CRAMP1: variants seen among roughly 807,000 people sequenced by gnomAD.
The protein encoded by CRAMP1 is cramped chromatin regulator 1.
CRAMP1 carries 50 observed loss-of-function variants against 115.4 expected under a neutral mutation model. The observed-to-expected ratio is 0.43, with a 90% CI of 0.35 to 0.55. The LOEUF is 0.55. Among genes scored for constraint, CRAMP1 ranks in the 20% least tolerant of loss-of-function variants. The probability of loss-of-function intolerance (pLI) is 0.01; values close to 1 mark genes in which losing one functional copy is unlikely to be tolerated. For synonymous variants in CRAMP1, 866 were observed against 745.4 expected, an observed-to-expected ratio of 1.16 and a Z score of -2.64; for missense variants, 1,679 against 1,721.7, an observed-to-expected ratio of 0.98 and a Z score of 0.44.
Position 1,614,634 on chromosome 16 carries a change from C to A in CRAMP1, c.-1-5C>A, listed in dbSNP as rs1296369149. 1.6e-6 allele frequency: 2 copies of A among 1,245,074 alleles called. No homozygotes were observed. Among genetic ancestry groups the A allele is most frequent in the East Asian group, 3.2e-5 (1 of 30,984 alleles). The allele number at this position is 1,245,074 out of a possible 1,614,324, so 77.1% of individuals were successfully genotyped here. A position where few individuals can be genotyped will look rare whatever the true frequency, so the allele number is the denominator to read the frequency against. ...CACCGGCCGCCTCCCCTCTCCCGGCCGCAGGATGACAGTGAAGTTGGGCGA... is the reference window on the plus strand; with the variant it reads ...CACCGGCCGCCTCCCCTCTCCCGGCAGCAGGATGACAGTGAAGTTGGGCGA... On this transcript the variant is annotated splice_polypyrimidine_tract_variant and splice_region_variant and intron_variant, in intron 1 of 20. Coordinates refer to ENST00000397412, the MANE Select transcript of CRAMP1 (RefSeq NM_020825.4). This position sits in a 1 kb window ranked among gnomAD's most constrained non-coding sequence, Gnocchi z 4.4.
intron 6 of CRAMP1, chr16:1,647,120 C>T (rs1196814441): frequency 1.1e-5 from 8 of 700,030 alleles, no homozygotes; most frequent in Middle Eastern, 2.3e-4. Flanking sequence ...AGCCCAAAAG[C>T]GATTGGGGTA....
intron 6 of CRAMP1, among the ~76,000 whole-genome samples, chr16:1,641,914 C>T (rs2036636142): frequency 6.6e-6 from 1 of 152,094 alleles, no homozygotes; most frequent in African/African-American, 2.4e-5. Context: ...GGGGGGGTCC[C>T]CGTTCCACAG....
At chr16:1,661,120 A>G (rs1435691604) in intron 11 of CRAMP1, among the ~76,000 whole-genome samples, 1 of 152,228 alleles carries the variant, frequency 6.6e-6, no homozygotes, top group Non-Finnish European at 1.5e-5. Flanking sequence ...ACTTGAGGCC[A>G]GCCTGGGCAA....
Position 1,656,703 on chromosome 16 carries a change from C to T in CRAMP1, c.1946C>T (p.Pro649Leu), listed in dbSNP as rs756559071. 5.8e-6 allele frequency: 9 copies of T among 1,556,130 alleles called. No individual in the cohort carries two copies. In the African/African-American group the frequency reaches 8.2e-5, roughly 14 times the overall value. The change falls in exon 10 of 21, where the codon CCT becomes CTT. Residue 649 changes from proline to leucine, a missense_variant. Physicochemically the swap from Pro to Leu is moderately conservative, Grantham distance 98. Transcript: ENST00000397412. The surrounding 1 kb of genome is among the most constrained non-coding windows in gnomAD (Gnocchi z 5.6). Reference sequence around the variant, plus strand: ...CAGGAGAAGGGGAGCCCCGCGGGGCCTCCGCCGTCTCAGGGACAGCCTGCC... The same window carrying T: ...CAGGAGAAGGGGAGCCCCGCGGGGCTTCCGCCGTCTCAGGGACAGCCTGCC... ...ELQEKGSPAG[P>L]PPSQGQPAAR...
chr16:1,651,107 CAG>C (rs982126275), intron 6 of CRAMP1, among the ~76,000 whole-genome samples: 2 of 147,606 alleles, frequency 1.4e-5, no homozygotes, highest in African/African-American at 5.0e-5. Context: ...GAGGAGGACT[CAG>C]AGGCCACAGG....
intron 3 of CRAMP1, among the ~76,000 whole-genome samples, chr16:1,631,946 C>G (rs1358343474): frequency 6.6e-6 from 1 of 152,208 alleles, no homozygotes; most frequent in Non-Finnish European, 1.5e-5. Context: ...CTTTATGTTT[C>G]TCCTGTCTGG....
Position 1,666,277 on chromosome 16 carries a change from C to G in CRAMP1, c.2857+100C>G. 1 of 1,164,768 alleles carries G rather than the reference C, an allele frequency of 8.6e-7. No homozygotes were observed. 72.2% of individuals were successfully genotyped at this position (1,164,768 alleles called of 1,614,324 possible). On this transcript the variant is annotated intron_variant, in intron 15 of 20. Coordinates refer to ENST00000397412, the MANE Select transcript of CRAMP1 (RefSeq NM_020825.4). The surrounding 1 kb of genome is among the most constrained non-coding windows in gnomAD (Gnocchi z 5.0). The stretch of plus-strand genomic sequence containing the variant: ...TGTTTTCTTCTCCAAATCATAATGT[C>G]TCATTACCCTTCACCAAGAACATCT...
intron 3 of CRAMP1, among the ~76,000 whole-genome samples, chr16:1,626,793 T>C (rs1446955939): frequency 1.3e-5 from 2 of 152,250 alleles, no homozygotes; most frequent in Non-Finnish European, 2.9e-5. Flanking sequence ...ATAGCTCTTT[T>C]GCTCTGTATT....
intron 5 of CRAMP1, among the ~76,000 whole-genome samples, chr16:1,638,880 G>A (rs1233816717): frequency 6.6e-6 from 1 of 151,844 alleles, no homozygotes; most frequent in Admixed American, 6.6e-5. Flanking sequence ...TTTGTGTGTG[G>A]GAGGCCCTGC....
At position 1,672,256 on chromosome 16, in the gene CRAMP1, G is replaced by T. The variant is rs922446479; in HGVS notation, c.3645+1447G>T. On this transcript the variant is annotated intron_variant, in intron 20 of 20. Coordinates refer to ENST00000397412, the MANE Select transcript of CRAMP1 (RefSeq NM_020825.4). This position sits in a 1 kb window ranked among gnomAD's most constrained non-coding sequence, Gnocchi z 4.9. ...CTTGGGAGTGAGTAGCAGAGAAAGG[G>T]TGCAGTTAGTATTTGTGAAACGCTG... Among the ~76,000 whole-genome samples the T allele has an allele frequency of 2.6e-5, 4 of 152,238 alleles. No individual in the cohort carries two copies. The highest frequency in any genetic ancestry group is 5.9e-5 in the Non-Finnish European group (4 of 68,050).
intron 6 of CRAMP1, among the ~76,000 whole-genome samples, chr16:1,644,257 G>T (rs1459977339): frequency 6.6e-6 from 1 of 152,186 alleles, no homozygotes; most frequent in Non-Finnish European, 1.5e-5. Flanking sequence ...TGTGAGACAC[G>T]GAGAAAAGGT....
rs773587963 is a variant in CRAMP1 at position 1,669,179 on chromosome 16, G to A, written c.3499+14G>A. On this transcript the variant is annotated intron_variant, in intron 19 of 20. Coordinates refer to ENST00000397412, the MANE Select transcript of CRAMP1 (RefSeq NM_020825.4). This position sits in a 1 kb window ranked among gnomAD's most constrained non-coding sequence, Gnocchi z 4.6. Reference sequence around the variant, plus strand: ...GCAGCCTGTTTGGTGAGTGTATGGGGAGGGCTCCCATCTCCTTTTCCAGGG... The same window carrying A: ...GCAGCCTGTTTGGTGAGTGTATGGGAAGGGCTCCCATCTCCTTTTCCAGGG... 3.1e-5 allele frequency: 49 copies of A among 1,562,244 alleles called. No individual in the cohort carries two copies. The highest frequency in any genetic ancestry group is 1.4e-4 in the Admixed American group (7 of 50,894).
intron 20 of CRAMP1, 61 bp from the exon 21 acceptor site, chr16:1,673,820 C>G: frequency 3.2e-6 from 5 of 1,539,088 alleles, no homozygotes; most frequent in Non-Finnish European, 4.5e-6. Context: ...TCAGGACCCG[C>G]CCTCCACTGA....
chr16:1,660,076 C>A lies in CRAMP1; in HGVS notation c.2413+13C>A. On this transcript the variant is annotated intron_variant, in intron 11 of 20. Coordinates refer to ENST00000397412, the MANE Select transcript of CRAMP1 (RefSeq NM_020825.4). ...CCCTGCTCCTCAGGTGAGGCTGTGG[C>A]AGCCACACTCCTTGTGCCTGGGCTG... is the stretch of plus-strand genomic sequence containing the variant. The A allele has an allele frequency of 6.5e-7, 1 of 1,533,148 alleles. No individual in the cohort carries two copies. The highest frequency in any genetic ancestry group is 8.7e-7 in the Non-Finnish European group (1 of 1,149,508). The allele number at this position is 1,533,148 out of a possible 1,614,324, so 95.0% of individuals were successfully genotyped here.
At chr16:1,670,445 G>C in intron 19 of CRAMP1, 1 of 534,400 alleles carries the variant, frequency 1.9e-6, no homozygotes, top group Non-Finnish European at 3.4e-6. Flanking sequence ...TGGGACTCGT[G>C]GAAAACAAGG....
In CRAMP1 at chr16:1,674,300, T is replaced by C; in HGVS notation, c.*255T>C. 1.9e-6 allele frequency: 1 copy of C among 520,178 alleles called. No homozygotes were observed. 32.2% of individuals were successfully genotyped at this position (520,178 alleles called of 1,614,324 possible). On this transcript the variant is annotated 3_prime_UTR_variant, in exon 21 of 21. Transcript: ENST00000397412. ...CCGTTCTTCACCACGCCTGGGCCCA[T>C]GTTAGGGTCTGCATAATGATCCCAT...
At chr16:1,639,042 C>T (rs903201039) in intron 5 of CRAMP1, among the ~76,000 whole-genome samples, 7 of 152,058 alleles carry the variant, frequency 4.6e-5, no homozygotes, top group Non-Finnish European at 1.0e-4. Context: ...TGCCCTCTCT[C>T]AGCCTTGGGA....
chr16:1,620,121 C>T (rs2036453851), intron 2 of CRAMP1, among the ~76,000 whole-genome samples: 1 of 152,040 alleles, frequency 6.6e-6, no homozygotes, highest in Non-Finnish European at 1.5e-5. Flanking sequence ...GAGATGGTAT[C>T]CACCAAGCCC....
intron 6 of CRAMP1, among the ~76,000 whole-genome samples, chr16:1,646,199 T>C (rs2036673040): frequency 6.6e-6 from 1 of 152,114 alleles, no homozygotes; most frequent in Admixed American, 6.5e-5. Context: ...CTATTTGCAG[T>C]GTTTTAGTGT....
Sources: gnomAD v4.1 joint callset for allele counts (sites outside exome capture counted in the v4.1 genomes callset) on GRCh38, gnomAD v4.1.1 for gene constraint, Gnocchi (gnomAD v3.1) non-coding constraint, MANE v1.5 for transcripts, NCBI Gene and HGNC (gene_info 2026-07-23, HGNC 2026-07-21) for gene names.